BFSP2: variants seen among roughly 807,000 people sequenced by gnomAD.
BFSP2 encodes beaded filament structural protein 2, also known as phakinin.
BFSP2 carries 38 observed loss-of-function variants against 44.9 expected under a neutral mutation model. The ratio of observed to expected loss-of-function variants is 0.85; its 90% CI spans 0.65 to 1.11. The LOEUF (loss-of-function observed/expected upper bound fraction) is 1.11, where lower values mean the gene tolerates loss of function less well. Ranked by LOEUF, BFSP2 falls within the 50% of genes least tolerant of loss-of-function variation. The probability of loss-of-function intolerance (pLI) is 0.00; values close to 1 mark genes in which losing one functional copy is unlikely to be tolerated. For synonymous variants in BFSP2, 197 were observed against 209.9 expected (o/e 0.94, Z 0.53); for missense variants, 525 against 533.0 (o/e 0.99, Z 0.15).
intron 1 of BFSP2, among the ~76,000 whole-genome samples, chr3:133,441,039 CT>C (rs534254115): frequency 0.041 from 5,266 of 127,238 alleles, 233 homozygotes; most frequent in African/African-American, 0.14. Context: ...CAGATGCAAT[CT>C]TTTTTTTTTT....
At chr3:133,401,242 T>G (rs2073360553) in intron 1 of BFSP2, among the ~76,000 whole-genome samples, 1 of 152,224 alleles carries the variant, frequency 6.6e-6, no homozygotes, top group Non-Finnish European at 1.5e-5. Context: ...ATACAAAATA[T>G]ATTAATGAGG....
intron 1 of BFSP2, among the ~76,000 whole-genome samples, chr3:133,445,161 G>A (rs2073885837): frequency 6.6e-6 from 1 of 152,236 alleles, no homozygotes; most frequent in South Asian, 2.1e-4. Context: ...GGGAAGCCGT[G>A]TTTGAAATGA....
Position 133,450,409 on chromosome 3 carries a change from G to A in BFSP2, c.836G>A (p.Trp279Ter), listed in dbSNP as rs1359596414. ...DDILETIRIQ[W>*]ERDVEKNRVE... ...ATCCTTGAGACGATCAGAATTCAGT[G>A]GGAGAGAGATGTTGAAAAGAACCGG... Residue 279 changes from tryptophan (W) to a stop codon, truncating the protein, a stop_gained, in exon 4 of 7, where the codon TGG becomes TAG. Coordinates refer to ENST00000302334, the MANE Select transcript of BFSP2 (RefSeq NM_003571.4). LOFTEE classifies it high-confidence loss of function. 1.2e-6 allele frequency: 2 copies of A among 1,614,150 alleles called. No homozygotes were observed. Among genetic ancestry groups the A allele is most frequent in the Admixed American group, 1.7e-5 (1 of 60,028 alleles).
intron 1 of BFSP2, among the ~76,000 whole-genome samples, chr3:133,427,763 TCGTTA>T (rs2073667278): frequency 6.6e-6 from 1 of 152,252 alleles, no homozygotes; most frequent in African/African-American, 2.4e-5. Flanking sequence ...TTTGTTCCCT[TCGTTA>T]CATTAGCCTG....
At position 133,450,927 on chromosome 3, in the gene BFSP2, G is replaced by C. The variant is rs368405637; in HGVS notation, c.891+463G>C. 2.6e-5 allele frequency among the ~76,000 whole-genome samples: 4 copies of C among 152,128 alleles called. No homozygotes were observed. The East Asian group carries it at 5.8e-4, about 22-fold the overall frequency. ...GAGATCGATACCATCCTGGCTAACA[G>C]GGTGAAACACTGTCTCTACTAAAAA... On this transcript the variant is annotated intron_variant, in intron 4 of 6. Coordinates refer to ENST00000302334, the MANE Select transcript of BFSP2 (RefSeq NM_003571.4).
intron 1 of BFSP2, among the ~76,000 whole-genome samples, chr3:133,409,604 T>C (rs1325390084): frequency 6.6e-6 from 1 of 152,116 alleles, no homozygotes; most frequent in Non-Finnish European, 1.5e-5. Context: ...ATAGGAAATA[T>C]TCAAGACGAG....
intron 6 of BFSP2, among the ~76,000 whole-genome samples, chr3:133,473,468 C>CT (rs1324212654): frequency 3.8e-4 from 46 of 121,200 alleles, no homozygotes; most frequent in African/African-American, 7.1e-4. Flanking sequence ...AAGGCTTTTT[C>CT]TTTTTTTTTA....
chr3:133,460,143 A>G (rs928661205), intron 4 of BFSP2, among the ~76,000 whole-genome samples: 6 of 152,242 alleles, frequency 3.9e-5, no homozygotes, highest in Admixed American at 2.6e-4. Context: ...CCACAAAAGC[A>G]GAGCCAGCCA....
chr3:133,437,037 G>A (rs1262818387), intron 1 of BFSP2, among the ~76,000 whole-genome samples: 1 of 152,150 alleles, frequency 6.6e-6, no homozygotes, highest in Non-Finnish European at 1.5e-5. Context: ...CCAAGTCTTT[G>A]CTATTGTGAA....
chr3:133,424,218 T>TGTGTG (rs1473665826), intron 1 of BFSP2, among the ~76,000 whole-genome samples: 3,327 of 64,768 alleles, frequency 0.051, 87 homozygotes, highest in Non-Finnish European at 0.083. Context: ...GCTAATTTTT[T>TGTGTG]TTTTTTTTTT....
intron 1 of BFSP2, among the ~76,000 whole-genome samples, chr3:133,441,266 C>T (rs961548786): frequency 6.6e-6 from 1 of 152,028 alleles, no homozygotes; most frequent in African/African-American, 2.4e-5. Flanking sequence ...GAACTCCTGA[C>T]CTCAGGTGAT....
Position 133,448,520 on chromosome 3 carries a change from G to C in BFSP2, c.604G>C (p.Ala202Pro), listed in dbSNP as rs1248173186. The C allele has an allele frequency of 6.2e-7, 1 of 1,614,054 alleles. No homozygotes were observed. The highest frequency in any genetic ancestry group is 8.5e-7 in the Non-Finnish European group (1 of 1,180,006). Residue 202 changes from alanine to proline, a missense_variant, in exon 3 of 7, where the codon GCA (alanine) becomes CCA (proline). Physicochemically the swap from Ala to Pro is conservative, Grantham distance 27. Transcript: ENST00000302334. ...YENEQPFRKA[A>P]EEEINSLYKV... is the part of the protein sequence containing the mutation. Reference sequence around the variant, plus strand: ...AAATGAGCAGCCATTTCGAAAGGCGGCAGAAGAGGAAATTAACTCTCTGTA... The same window carrying C: ...AAATGAGCAGCCATTTCGAAAGGCGCCAGAAGAGGAAATTAACTCTCTGTA...
intron 4 of BFSP2, among the ~76,000 whole-genome samples, chr3:133,453,208 G>A (rs2073981464): frequency 6.6e-6 from 1 of 152,194 alleles, no homozygotes; most frequent in African/African-American, 2.4e-5. Context: ...AGTTGCAGTT[G>A]TGCCCTCAGG....
intron 6 of BFSP2, among the ~76,000 whole-genome samples, chr3:133,472,899 A>C (rs1294197434): frequency 6.6e-6 from 1 of 151,680 alleles, no homozygotes; most frequent in African/African-American, 2.4e-5. Flanking sequence ...CTAATTAATG[A>C]GGCTATAAAC....
At chr3:133,430,630 T>G (rs1175569654) in intron 1 of BFSP2, among the ~76,000 whole-genome samples, 1 of 152,200 alleles carries the variant, frequency 6.6e-6, no homozygotes, top group Non-Finnish European at 1.5e-5. Flanking sequence ...GCAAATGGTC[T>G]GAGGTGCCTG....
chr3:133,443,837 T>C (rs1188511809), intron 1 of BFSP2, among the ~76,000 whole-genome samples: 2 of 152,088 alleles, frequency 1.3e-5, no homozygotes, highest in Admixed American at 6.5e-5. Flanking sequence ...AATGCCAATA[T>C]CTTTACTCCA....
In BFSP2 at chr3:133,400,095, G is replaced by A; in HGVS notation, c.12G>A (p.Arg4=). ...AGGCAGAAGGGGTGATGAGTGAGAG[G>A]CGAGTGGTAGTGGACTTGCCCACCA... MSE[R]RVVVDLPTSA... is the part of the protein sequence containing the mutation. The change falls in exon 1 of 7, where the codon AGG becomes AGA. Residue 4 remains arginine (R), a synonymous_variant. Coordinates refer to ENST00000302334, the MANE Select transcript of BFSP2 (RefSeq NM_003571.4). The surrounding 1 kb of genome is among the most constrained non-coding windows in gnomAD (Gnocchi z 4.0). The A allele has an allele frequency of 6.2e-7, 1 of 1,614,180 alleles. No individual in the cohort carries two copies. Among genetic ancestry groups the A allele is most frequent in the Non-Finnish European group, 8.5e-7 (1 of 1,180,038 alleles).
At chr3:133,470,507 A>T (rs898730131) in intron 5 of BFSP2, among the ~76,000 whole-genome samples, 1 of 152,246 alleles carries the variant, frequency 6.6e-6, no homozygotes, top group South Asian at 2.1e-4. Context: ...AGTTAAAACT[A>T]TTGGAAAATG....
intron 4 of BFSP2, among the ~76,000 whole-genome samples, chr3:133,466,100 C>G (rs1034059501): frequency 6.6e-6 from 1 of 152,070 alleles, no homozygotes; most frequent in African/African-American, 2.4e-5. Flanking sequence ...AAACTGCAAT[C>G]GCCTTTGCAC....
Sources: gnomAD v4.1 joint callset for allele counts (sites outside exome capture counted in the v4.1 genomes callset) on GRCh38, gnomAD v4.1.1 for gene constraint, Gnocchi (gnomAD v3.1) non-coding constraint, MANE v1.5 for transcripts, NCBI Gene and HGNC (gene_info 2026-07-23, HGNC 2026-07-21) for gene names.